Variants in STX16 observed in about 807,000 individuals in gnomAD.
The protein encoded by STX16 is syntaxin-16.
STX16 carries 28 observed loss-of-function variants against 42.7 expected under a neutral mutation model. The ratio of observed to expected loss-of-function variants is 0.66; its 90% CI spans 0.49 to 0.90. The LOEUF (loss-of-function observed/expected upper bound fraction) is 0.90, where lower values mean the gene tolerates loss of function less well. STX16 is among the 40% of genes least tolerant of loss of function. The probability of loss-of-function intolerance (pLI) is 0.00; values close to 1 mark genes in which losing one functional copy is unlikely to be tolerated. For missense variants in STX16, 361 were observed against 420.9 expected (o/e 0.86, Z 1.24); for synonymous variants, 156 against 155.2 (o/e 1.00, Z -0.04).
Position 58,676,362 on chromosome 20 carries a change from C to T in STX16, c.*71C>T. On this transcript the variant is annotated 3_prime_UTR_variant, in exon 9 of 9. Transcript: ENST00000371141. The stretch of plus-strand genomic sequence containing the variant: ...TGTGAGGGGCTTGGCCTGCGCCCCG[C>T]CAGCTGCCCGCAGAGGTGCAGCCTC... 2.2e-6 allele frequency: 3 copies of T among 1,390,998 alleles called. No individual in the cohort carries two copies. The highest frequency in any genetic ancestry group is 3.1e-6 in the Non-Finnish European group (3 of 979,272). The allele number at this position is 1,390,998 out of a possible 1,614,324, so 86.2% of individuals were successfully genotyped here. A position where few individuals can be genotyped will look rare whatever the true frequency, so the allele number is the denominator to read the frequency against.
At chr20:58,673,545 T>A in intron 7 of STX16, 86 bp from the exon 8 acceptor site, 1 of 875,742 alleles carries the variant, frequency 1.1e-6, no homozygotes, top group Non-Finnish European at 1.9e-6. Context: ...TGGATGATGA[T>A]GTCTGTAATT....
chr20:58,675,327 G>A (rs1224417475), intron 8 of STX16, among the ~76,000 whole-genome samples: 1 of 152,222 alleles, frequency 6.6e-6, no homozygotes, highest in African/African-American at 2.4e-5. Context: ...TCCCTCCTGT[G>A]CCATAGCAAG....
At chr20:58,660,389 T>A (rs1435951077) in intron 2 of STX16, among the ~76,000 whole-genome samples, 1 of 152,210 alleles carries the variant, frequency 6.6e-6, no homozygotes, top group Non-Finnish European at 1.5e-5. Context: ...AGGGTTGTTC[T>A]TGTTTGTTTT....
rs2083405502 is a variant in STX16, at chr20:58,677,557, G to A, written c.*1266G>A. On this transcript the variant is annotated 3_prime_UTR_variant, in exon 9 of 9. Coordinates refer to ENST00000371141, the MANE Select transcript of STX16 (RefSeq NM_001001433.3). ...CAGTGTGGAAAGTGATGGTAACTTT[G>A]AAGTTGTTCATGTTTTATTGGCTTT... The A allele has an allele frequency of 6.6e-6, 1 of 152,206 alleles. No homozygotes were observed. The allele number at this position is 152,206 out of a possible 1,614,324, so 9.4% of individuals were successfully genotyped here.
In STX16 at chr20:58,651,920, C is replaced by T; in HGVS notation, c.-87C>T. On this transcript the variant is annotated 5_prime_UTR_variant, in exon 1 of 9. Transcript: ENST00000371141. ...CGAGAAGCTTCCGTGAAAGGGTGGG[C>T]CAGCCGGGCCACGAGAAAGAAAGTG... 6.9e-7 allele frequency: 1 copy of T among 1,448,308 alleles called. No individual in the cohort carries two copies. Among genetic ancestry groups the T allele is most frequent in the Non-Finnish European group, 9.6e-7 (1 of 1,046,996 alleles). 89.7% of individuals were successfully genotyped at this position (1,448,308 alleles called of 1,614,324 possible). A position where few individuals can be genotyped will look rare whatever the true frequency, so the allele number is the denominator to read the frequency against.
chr20:58,662,237 C>G (rs1225776078), intron 2 of STX16, among the ~76,000 whole-genome samples: 2 of 151,298 alleles, frequency 1.3e-5, no homozygotes, highest in East Asian at 1.9e-4. Flanking sequence ...GACTGCACAT[C>G]TGGGAGTGCC....
At position 58,673,493 on chromosome 20, in the gene STX16, C is replaced by T. The variant is rs535740480; in HGVS notation, c.793-138C>T. ...CTTGAGGGTGAACTCCAGAGCCCTC[C>T]GTGTGTACCTGCAGCACACAGGGAA... is the stretch of plus-strand genomic sequence containing the variant. On this transcript the variant is annotated intron_variant, in intron 7 of 8. Coordinates refer to ENST00000371141, the MANE Select transcript of STX16 (RefSeq NM_001001433.3). 51 of 603,172 alleles carry T rather than the reference C, an allele frequency of 8.5e-5. No individual in the cohort carries two copies. The South Asian group carries it at 8.5e-4, about 10-fold the overall frequency. 37.4% of individuals were successfully genotyped at this position (603,172 alleles called of 1,614,324 possible).
At chr20:58,663,328 G>A (rs2083744306) in intron 2 of STX16, among the ~76,000 whole-genome samples, 1 of 152,212 alleles carries the variant, frequency 6.6e-6, no homozygotes, top group African/African-American at 2.4e-5. Context: ...GGAACAGCAA[G>A]ATTTATAAGA....
chr20:58,675,590 T>C (rs528928659), intron 8 of STX16, among the ~76,000 whole-genome samples: 1 of 152,324 alleles, frequency 6.6e-6, no homozygotes, highest in East Asian at 1.9e-4. Context: ...TGCTGTATCG[T>C]TAGCGGCACT....
At chr20:58,669,132 T>C (rs538612089) in intron 4 of STX16, among the ~76,000 whole-genome samples, 159 bp from the exon 5 acceptor site, 1 of 152,342 alleles carries the variant, frequency 6.6e-6, no homozygotes, top group South Asian at 2.1e-4. Context: ...TTTCTGTGTA[T>C]ATAAATGAAG....
Position 58,652,095 on chromosome 20 carries a change from G to GT in STX16, c.90dup (p.His31SerfsTer11), listed in dbSNP as rs1600978370. On this transcript the variant is annotated frameshift_variant, in exon 1 of 9. Coordinates refer to ENST00000371141, the MANE Select transcript of STX16 (RefSeq NM_001001433.3). LOFTEE classifies it high-confidence loss of function. Reference sequence around the variant, plus strand: ...CAGCTGTTAGCCGAGCAAGTGAGTAGTCACATCACCTCCAGCCCTCTGCAT... The same window carrying GT: ...CAGCTGTTAGCCGAGCAAGTGAGTAGTTCACATCACCTCCAGCCCTCTGCAT... The GT allele has an allele frequency of 6.2e-7, 1 of 1,614,212 alleles. No homozygotes were observed. Among genetic ancestry groups the GT allele is most frequent in the Non-Finnish European group, 8.5e-7 (1 of 1,180,030 alleles).
chr20:58,654,930 A>G (rs2083554221), intron 1 of STX16, among the ~76,000 whole-genome samples: 1 of 152,214 alleles, frequency 6.6e-6, no homozygotes, highest in Non-Finnish European at 1.5e-5. Flanking sequence ...ACCATTTTGT[A>G]GGCTTTTCTG....
chr20:58,674,550 A>G (rs11907963), intron 8 of STX16, among the ~76,000 whole-genome samples: 2,894 of 152,276 alleles, frequency 0.019, 90 homozygotes, highest in African/African-American at 0.066. Flanking sequence ...GTCGCTTCCT[A>G]TACCAGAGAT....
chr20:58,655,920 G>T (rs898932147), intron 1 of STX16, among the ~76,000 whole-genome samples: 5 of 152,182 alleles, frequency 3.3e-5, no homozygotes, highest in African/African-American at 9.7e-5. Context: ...AAAACAGACA[G>T]GTTTGACTTT....
chr20:58,672,371 A>G (rs955850828), intron 7 of STX16, among the ~76,000 whole-genome samples: 2 of 151,902 alleles, frequency 1.3e-5, no homozygotes, highest in African/African-American at 4.8e-5. Context: ...AATTACTTTC[A>G]AGCTATGTAT....
At chr20:58,673,413 G>A (rs570433771) in intron 7 of STX16, among the ~76,000 whole-genome samples, 1 of 152,118 alleles carries the variant, frequency 6.6e-6, no homozygotes, top group African/African-American at 2.4e-5. Flanking sequence ...CTTCTTTCTC[G>A]TGAGCTAGAT....
chr20:58,664,362 G>A (rs181017424), intron 2 of STX16, among the ~76,000 whole-genome samples: 2 of 152,162 alleles, frequency 1.3e-5, no homozygotes, highest in Non-Finnish European at 2.9e-5. Context: ...TCTCAATAGG[G>A]TGGTGTTTCT....
chr20:58,676,414 G>C lies in STX16; in HGVS notation c.*123G>C, dbSNP rs2084128245. 1.2e-6 allele frequency: 1 copy of C among 820,490 alleles called. No homozygotes were observed. Among genetic ancestry groups the C allele is most frequent in the South Asian group, 1.5e-5 (1 of 65,124 alleles). 50.8% of individuals were successfully genotyped at this position (820,490 alleles called of 1,614,324 possible). A position where few individuals can be genotyped will look rare whatever the true frequency, so the allele number is the denominator to read the frequency against. On this transcript the variant is annotated 3_prime_UTR_variant, in exon 9 of 9. Coordinates refer to ENST00000371141, the MANE Select transcript of STX16 (RefSeq NM_001001433.3). ...AGGAATCTGAGGGCGTCGGGGCAGCGAACCTTTGCATCCACGGACTCCTCC... is the reference window on the plus strand; with the variant it reads ...AGGAATCTGAGGGCGTCGGGGCAGCCAACCTTTGCATCCACGGACTCCTCC...
intron 1 of STX16, chr20:58,652,456 A>T (rs2083489622): frequency 2.4e-6 from 1 of 412,046 alleles, no homozygotes; most frequent in Admixed American, 3.4e-5. Context: ...AACATTGGGA[A>T]GCATTGGGCC....
Sources: gnomAD v4.1 joint callset for allele counts (sites outside exome capture counted in the v4.1 genomes callset) on GRCh38, gnomAD v4.1.1 for gene constraint, MANE v1.5 for transcripts, NCBI Gene and HGNC (gene_info 2026-07-23, HGNC 2026-07-21) for gene names.